The following SORL1 variants were observed in gnomAD, a reference collection of about 807,000 sequenced individuals.
SORL1 encodes the protein sortilin-related receptor.
Under a neutral mutation model 273.7 loss-of-function variants are expected in SORL1, and 127 were observed. That is an observed-to-expected ratio of 0.46 (90% CI 0.40 to 0.54). The LOEUF is 0.54. Ranked by LOEUF, SORL1 falls within the 20% of genes least tolerant of loss-of-function variation. SORL1 has a pLI of 0.00. For missense variants in SORL1, 2,494 were observed against 2,846.1 expected (o/e 0.88, Z 2.81); for synonymous variants, 1,031 against 1,067.4 (o/e 0.97, Z 0.66).
In SORL1 at chr11:121,586,226, G is replaced by T; in HGVS notation, c.3711G>T (p.Lys1237Asn). ...GSDEDPVNCE[K>N]KCNGFRCPNG... ...TGTTGTTGAATTCTATTTCAGAGAAGAAGTGCAATGGATTCCGCTGCCCAA... is the reference window on the plus strand; with the variant it reads ...TGTTGTTGAATTCTATTTCAGAGAATAAGTGCAATGGATTCCGCTGCCCAA... Residue 1237 changes from lysine (K) to asparagine (N), a missense_variant, in exon 27 of 48, where the codon AAG becomes AAT. By Grantham distance (94) the Lys-to-Asn change is moderately conservative (BLOSUM62 0). This residue lies in a region of SORL1 where 1,609 missense variants were observed against 1,816.4 expected (regional missense o/e 0.89). Coordinates refer to ENST00000260197, the MANE Select transcript of SORL1 (RefSeq NM_003105.6). 1 of 1,610,790 alleles carries T rather than the reference G, an allele frequency of 6.2e-7. No homozygotes were observed. The highest frequency in any genetic ancestry group is 8.5e-7 in the Non-Finnish European group (1 of 1,177,028).
intron 13 of SORL1, among the ~76,000 whole-genome samples, chr11:121,544,642 GAC>G (rs1468902366): frequency 6.6e-6 from 1 of 152,176 alleles, no homozygotes; most frequent in East Asian, 1.9e-4. Flanking sequence ...ATATATAAGA[GAC>G]ACAAAGTGCC....
intron 8 of SORL1, among the ~76,000 whole-genome samples, chr11:121,517,162 C>T (rs1478848124): frequency 6.6e-6 from 1 of 152,188 alleles, no homozygotes; most frequent in Middle Eastern, 3.2e-3. Flanking sequence ...GCCACCGCCA[C>T]CTCTGTTTAA....
intron 6 of SORL1, among the ~76,000 whole-genome samples, chr11:121,502,754 T>C (rs1434688279): frequency 1.3e-5 from 2 of 152,216 alleles, no homozygotes; most frequent in African/African-American, 2.4e-5. Flanking sequence ...TGTTGAGTTA[T>C]AATAGTTCTT....
Position 121,550,140 on chromosome 11 carries a change from G to A in SORL1, c.2180+52G>A. On this transcript the variant is annotated intron_variant, in intron 15 of 47. Coordinates refer to ENST00000260197, the MANE Select transcript of SORL1 (RefSeq NM_003105.6). This position sits in a 1 kb window ranked among gnomAD's most constrained non-coding sequence, Gnocchi z 5.3. ...AGGTTCTCAGCGGTCCGCACATGGAGCGAGAGAGCATAGAGGACCGTCTGG... is the reference window on the plus strand; with the variant it reads ...AGGTTCTCAGCGGTCCGCACATGGAACGAGAGAGCATAGAGGACCGTCTGG... The A allele has an allele frequency of 1.9e-6, 3 of 1,578,380 alleles. No individual in the cohort carries two copies. Among genetic ancestry groups the A allele is most frequent in the Non-Finnish European group, 2.6e-6 (3 of 1,160,496 alleles).
chr11:121,543,623 C>T lies in SORL1; in HGVS notation c.1761C>T (p.Leu587=), dbSNP rs1862380055. ...AGCCAGTGTTTGTGTATGGCCTCCTCACAGAACCTGGGGAGAAGAGCACTG... is the reference window on the plus strand; with the variant it reads ...AGCCAGTGTTTGTGTATGGCCTCCTTACAGAACCTGGGGAGAAGAGCACTG... ...SEKPVFVYGL[L]TEPGEKSTVF... Residue 587 remains leucine, a synonymous_variant, in exon 13 of 48, where the codon CTC becomes CTT. Coordinates refer to ENST00000260197, the MANE Select transcript of SORL1 (RefSeq NM_003105.6). The T allele has an allele frequency of 6.2e-7, 1 of 1,614,064 alleles. No homozygotes were observed. Among genetic ancestry groups the T allele is most frequent in the Non-Finnish European group, 8.5e-7 (1 of 1,179,996 alleles).
Position 121,627,708 on chromosome 11 carries a change from C to T in SORL1, c.6518C>T (p.Ala2173Val), listed in dbSNP as rs1863817090. Residue 2173 changes from alanine (A) to valine (V), a missense_variant, in exon 47 of 48, where the codon GCC (alanine) becomes GTC (valine). By Grantham distance (64) the Ala-to-Val change is moderately conservative (BLOSUM62 0). Transcript: ENST00000260197. The surrounding 1 kb of genome is among the most constrained non-coding windows in gnomAD (Gnocchi z 4.9). ...RRLQSSFTAF[A>V]NSHYSSRLGS... The stretch of plus-strand genomic sequence containing the variant: ...CTGCAGAGCAGCTTCACCGCCTTCG[C>T]CAACAGCCACTACAGCTCCAGGCTG... The T allele has an allele frequency of 4.3e-6, 7 of 1,614,118 alleles. No individual in the cohort carries two copies. Among genetic ancestry groups the T allele is most frequent in the Non-Finnish European group, 5.9e-6 (7 of 1,180,024 alleles).
intron 35 of SORL1, 76 bp downstream of exon 35, chr11:121,605,647 T>C: frequency 8.2e-7 from 1 of 1,219,446 alleles, no homozygotes. Context: ...CTGAGTATTC[T>C]CAGGAATGTG....
chr11:121,557,872 A>G (rs987018198), intron 19 of SORL1, among the ~76,000 whole-genome samples: 2 of 152,248 alleles, frequency 1.3e-5, no homozygotes, highest in African/African-American at 4.8e-5. Flanking sequence ...AACATAATTA[A>G]GAGGGAAATT....
chr11:121,543,614 T>C lies in SORL1; in HGVS notation c.1752T>C (p.Tyr584=), dbSNP rs1862379873. The C allele has an allele frequency of 3.1e-6, 5 of 1,614,024 alleles. No homozygotes were observed. Among genetic ancestry groups the C allele is most frequent in the Non-Finnish European group, 3.4e-6 (4 of 1,179,940 alleles). Residue 584 remains tyrosine, a synonymous_variant, in exon 13 of 48, where the codon TAT becomes TAC. Transcript: ENST00000260197. ...FIFSEKPVFV[Y]GLLTEPGEKS... ...TCTCTGAGAAGCCAGTGTTTGTGTA[T>C]GGCCTCCTCACAGAACCTGGGGAGA...
At chr11:121,615,480 CATG>C (rs1863626831) in intron 41 of SORL1, among the ~76,000 whole-genome samples, 1 of 152,256 alleles carries the variant, frequency 6.6e-6, no homozygotes, top group Admixed American at 6.5e-5. Context: ...TTCCATATAG[CATG>C]ATATTTCATT....
intron 19 of SORL1, among the ~76,000 whole-genome samples, chr11:121,557,974 A>G (rs1044106078): frequency 1.3e-5 from 2 of 152,216 alleles, no homozygotes; most frequent in Admixed American, 1.3e-4. Context: ...AGAGTAATGT[A>G]TGTACTTGGT....
chr11:121,478,966 A>T (rs1019853991), intron 3 of SORL1, among the ~76,000 whole-genome samples: 1 of 133,046 alleles, frequency 7.5e-6, no homozygotes, highest in African/African-American at 2.9e-5. Flanking sequence ...GTGCGTGCGC[A>T]TGCTTGTGTG....
chr11:121,622,133 C>T, intron 44 of SORL1, 29 bp from the exon 45 acceptor site: 1 of 1,230,964 alleles, frequency 8.1e-7, no homozygotes, highest in Non-Finnish European at 1.2e-6. Context: ...TATCCACTAA[C>T]CGCATCCCAT....
At chr11:121,465,532 CT>C (rs796673283) in intron 1 of SORL1, among the ~76,000 whole-genome samples, 224 of 144,316 alleles carry the variant, frequency 1.6e-3, no homozygotes, top group Admixed American at 1.4e-3. Flanking sequence ...GGTGTGTCTC[CT>C]TTTTTTTTTT....
At chr11:121,456,129 A>C (rs1336919375) in intron 1 of SORL1, among the ~76,000 whole-genome samples, 2 of 152,114 alleles carry the variant, frequency 1.3e-5, no homozygotes, top group African/African-American at 4.8e-5. Context: ...CTGCGCCATC[A>C]TACCTGCTTT....
At chr11:121,553,787 C>A in intron 16 of SORL1, 150 bp from the exon 17 acceptor site, 1 of 716,020 alleles carries the variant, frequency 1.4e-6, no homozygotes, top group East Asian at 2.6e-5. Context: ...TACACACCTC[C>A]TGAGTCTTGA....
At chr11:121,624,846 G>A (rs10790448) in intron 45 of SORL1, among the ~76,000 whole-genome samples, 83,978 of 151,968 alleles carry the variant, frequency 0.55, 24,837 homozygotes, top group East Asian at 0.77. Context: ...TCATTTCCAC[G>A]ATATAGCTTG....
Position 121,536,033 on chromosome 11 carries a change from G to A in SORL1, c.1685+3481G>A, listed in dbSNP as rs138645313. The stretch of plus-strand genomic sequence containing the variant: ...GACCGAAGAAGATTCAAACACGTTT[G>A]TCAGCTTGATCACGGAAGAGAAGAT... On this transcript the variant is annotated intron_variant, in intron 12 of 47. Transcript: ENST00000260197. 3.6e-3 allele frequency among the ~76,000 whole-genome samples: 553 copies of A among 152,352 alleles called. 1 individual carries two copies. The highest frequency in any genetic ancestry group is 0.013 in the African/African-American group (530 of 41,592).
intron 5 of SORL1, 82 bp downstream of exon 5, chr11:121,490,192 C>A: frequency 2.2e-6 from 2 of 924,418 alleles, no homozygotes; most frequent in Non-Finnish European, 3.6e-6. Context: ...ACAAACTGCC[C>A]TCCCCTGAAA....
Sources: gnomAD v4.1 joint callset for allele counts (sites outside exome capture counted in the v4.1 genomes callset) on GRCh38, gnomAD v4.1.1 for gene constraint, gnomAD v4.1.1 regional missense constraint, Gnocchi (gnomAD v3.1) non-coding constraint, MANE v1.5 for transcripts, NCBI Gene and HGNC (gene_info 2026-07-23, HGNC 2026-07-21) for gene names.